TNPO1: variants seen among roughly 807,000 people sequenced by gnomAD.
The protein encoded by TNPO1 is transportin 1, also known as transportin-1.
A neutral mutation model predicts 119.5 loss-of-function variants in TNPO1; 8 were observed. That is an observed-to-expected ratio of 0.07 (90% CI 0.04 to 0.12). TNPO1 has a LOEUF of 0.12. Among genes scored for constraint, TNPO1 ranks in the 10% least tolerant of loss-of-function variants. The pLI, the probability that TNPO1 is intolerant of heterozygous loss-of-function variation, is 1.00. For synonymous variants in TNPO1, 362 were observed against 363.0 expected (o/e 1.00, Z 0.03); for missense variants, 576 against 1,089.8 (o/e 0.53, Z 6.64).
chr5:72,907,670 A>T (rs956007123), intron 24 of TNPO1, among the ~76,000 whole-genome samples: 3 of 152,204 alleles, frequency 2.0e-5, no homozygotes, highest in Non-Finnish European at 1.5e-5. Context: ...AGTTCCTACC[A>T]GAAAAACCAA....
chr5:72,863,994 A>C, intron 5 of TNPO1, among the ~76,000 whole-genome samples: 1 of 152,240 alleles, frequency 6.6e-6, no homozygotes, highest in Admixed American at 6.5e-5. Flanking sequence ...ATTCCCATCC[A>C]TCTGAACTAA....
rs919877561 is a variant in TNPO1 at position 72,897,190 on chromosome 5, T to C, written c.2338+39T>C. The C allele has an allele frequency of 2.0e-6, 3 of 1,476,690 alleles. No homozygotes were observed. The African/African-American group carries it at 4.3e-5, about 21-fold the overall frequency. 91.5% of individuals were successfully genotyped at this position (1,476,690 alleles called of 1,614,324 possible). A position where few individuals can be genotyped will look rare whatever the true frequency, so the allele number is the denominator to read the frequency against. On this transcript the variant is annotated intron_variant, in intron 20 of 24. Coordinates refer to ENST00000337273, the MANE Select transcript of TNPO1 (RefSeq NM_002270.4). ...GAACTGTTTCAGTGAAGAGAAAATT[T>C]GTTGCCTTTTAATTTTAATATGCGT... is the stretch of plus-strand genomic sequence containing the variant.
rs1481168181 is a variant in TNPO1 at position 72,856,079 on chromosome 5, TG to T, written c.355+158del. Among the ~76,000 whole-genome samples, 4 of 152,320 alleles carry T rather than the reference TG, an allele frequency of 2.6e-5. No homozygotes were observed. In the East Asian group the frequency reaches 7.7e-4, roughly 29 times the overall value. ...AAATGCTTTTGAAATGGTGTAATCA[TG>T]GTAAAAGCGCTCTCATCCAGTGAAA... On this transcript the variant is annotated intron_variant, in intron 4 of 24. Coordinates refer to ENST00000337273, the MANE Select transcript of TNPO1 (RefSeq NM_002270.4).
intron 2 of TNPO1, among the ~76,000 whole-genome samples, chr5:72,851,019 G>A (rs973886989): frequency 4.6e-5 from 7 of 152,042 alleles, no homozygotes; most frequent in Non-Finnish European, 1.0e-4. Context: ...TGTATTGCAT[G>A]TAATTGATAC....
chr5:72,857,352 G>A (rs1746083732), intron 4 of TNPO1, among the ~76,000 whole-genome samples: 2 of 151,990 alleles, frequency 1.3e-5, no homozygotes, highest in Admixed American at 1.3e-4. Flanking sequence ...TGTCTTGTGG[G>A]TTTGAAAAAT....
At chr5:72,846,288 A>C (rs921051082) in intron 1 of TNPO1, among the ~76,000 whole-genome samples, 1 of 152,224 alleles carries the variant, frequency 6.6e-6, no homozygotes, top group Admixed American at 6.5e-5. Context: ...GGTTGAACAA[A>C]TTATGCTCTA....
intron 5 of TNPO1, 48 bp from the exon 6 acceptor site, chr5:72,865,548 T>G: frequency 6.3e-7 from 1 of 1,598,706 alleles, no homozygotes; most frequent in East Asian, 2.2e-5. Flanking sequence ...TGTTTTCAAA[T>G]GGCTTCATTT....
At chr5:72,900,156 T>A in intron 21 of TNPO1, 75 bp downstream of exon 21, 1 of 1,320,258 alleles carries the variant, frequency 7.6e-7, no homozygotes, top group Non-Finnish European at 1.1e-6. Flanking sequence ...TTTAGATATA[T>A]TTTCAGTTGG....
chr5:72,854,818 ACT>A (rs1156909655), intron 3 of TNPO1, among the ~76,000 whole-genome samples: 3 of 152,014 alleles, frequency 2.0e-5, no homozygotes, highest in Non-Finnish European at 4.4e-5. Context: ...TTTTAAGAAA[ACT>A]CTTTTTAAAT....
chr5:72,876,970 C>T (rs2112388868), intron 8 of TNPO1, among the ~76,000 whole-genome samples: 1 of 151,832 alleles, frequency 6.6e-6, no homozygotes, highest in Middle Eastern at 3.4e-3. Flanking sequence ...TGGCAGGCGC[C>T]TGTAGTCCCA....
In TNPO1 at chr5:72,912,324, G is replaced by T. The variant is rs1028598717; in HGVS notation, c.*3651G>T. The T allele has an allele frequency of 4.6e-5, 7 of 152,366 alleles. No homozygotes were observed. The highest frequency in any genetic ancestry group is 8.8e-5 in the Non-Finnish European group (6 of 67,876). The allele number at this position is 152,366 out of a possible 1,614,324, so 9.4% of individuals were successfully genotyped here. A position where few individuals can be genotyped will look rare whatever the true frequency, so the allele number is the denominator to read the frequency against. ...TTTTTTTGGTTAAGACTTTTTCATT[G>T]ATCTGAATTGCTTAAATTGCATATA... On this transcript the variant is annotated 3_prime_UTR_variant, in exon 25 of 25. Coordinates refer to ENST00000337273, the MANE Select transcript of TNPO1 (RefSeq NM_002270.4).
At chr5:72,876,626 A>G (rs1433802196) in intron 8 of TNPO1, among the ~76,000 whole-genome samples, 5 of 152,136 alleles carry the variant, frequency 3.3e-5, no homozygotes, top group Non-Finnish European at 5.9e-5. Context: ...CTTAATTTTT[A>G]TGTTTCTAAG....
In TNPO1 at chr5:72,876,342, G is replaced by A. The variant is rs190088349; in HGVS notation, c.801+605G>A. 5.7e-4 allele frequency among the ~76,000 whole-genome samples: 87 copies of A among 152,310 alleles called. 1 individual carries two copies. The highest frequency in any genetic ancestry group is 1.9e-3 in the African/African-American group (81 of 41,564). On this transcript the variant is annotated intron_variant, in intron 8 of 24. Transcript: ENST00000337273. ...GATGTTTCAGTCCGTAAGAGGATGT[G>A]TACAGTCTATTAGTTGGCACTTCTA... is the stretch of plus-strand genomic sequence containing the variant.
chr5:72,897,194 G>A, intron 20 of TNPO1, 43 bp downstream of exon 20: 1 of 1,463,490 alleles, frequency 6.8e-7, no homozygotes, highest in South Asian at 1.2e-5. Flanking sequence ...AAAATTTGTT[G>A]CCTTTTAATT....
At position 72,851,339 on chromosome 5, in the gene TNPO1, A is replaced by G. The variant is rs377495418; in HGVS notation, c.205+20A>G. On this transcript the variant is annotated intron_variant, in intron 3 of 24. Transcript: ENST00000337273. ...CTGAAGGTAAGTAGGATTTGTATTG[A>G]TAACTATTTAAAGTTTCTTTAAGAC... is the stretch of plus-strand genomic sequence containing the variant. The G allele has an allele frequency of 1.6e-5, 22 of 1,393,600 alleles. No homozygotes were observed. In the African/African-American group the frequency reaches 1.9e-4, roughly 12 times the overall value. 86.3% of individuals were successfully genotyped at this position (1,393,600 alleles called of 1,614,324 possible).
chr5:72,868,619 G>A (rs1358587488), intron 6 of TNPO1, among the ~76,000 whole-genome samples: 1 of 151,900 alleles, frequency 6.6e-6, no homozygotes, highest in African/African-American at 2.4e-5. Flanking sequence ...AGTTATATGC[G>A]TGCATAGGTG....
intron 14 of TNPO1, among the ~76,000 whole-genome samples, chr5:72,891,553 T>G (rs1229214854): frequency 1.3e-5 from 2 of 152,190 alleles, no homozygotes; most frequent in Non-Finnish European, 2.9e-5. Flanking sequence ...GATAGACTCT[T>G]TTTTTCAACA....
intron 20 of TNPO1, among the ~76,000 whole-genome samples, chr5:72,898,124 T>C (rs10942495): frequency 0.18 from 27,234 of 152,094 alleles, 2,744 homozygotes; most frequent in African/African-American, 0.26. Context: ...CAAAAATCTA[T>C]GTATAGGATG....
rs1208190827 is a variant in TNPO1, at chr5:72,908,966, C to G, written c.*293C>G. 1 of 446,640 alleles carries G rather than the reference C, an allele frequency of 2.2e-6. No homozygotes were observed. The highest frequency in any genetic ancestry group is 4.5e-6 in the Non-Finnish European group (1 of 223,046). 27.7% of individuals were successfully genotyped at this position (446,640 alleles called of 1,614,324 possible). Reference sequence around the variant, plus strand: ...AGAAGCAAAAAAAAAAAAATCTATTCAGTCTACTCACAAAACAGTACATTG... The same window carrying G: ...AGAAGCAAAAAAAAAAAAATCTATTGAGTCTACTCACAAAACAGTACATTG... On this transcript the variant is annotated 3_prime_UTR_variant, in exon 25 of 25. Coordinates refer to ENST00000337273, the MANE Select transcript of TNPO1 (RefSeq NM_002270.4).
Sources: gnomAD v4.1 joint callset for allele counts (sites outside exome capture counted in the v4.1 genomes callset) on GRCh38, gnomAD v4.1.1 for gene constraint, MANE v1.5 for transcripts, NCBI Gene and HGNC (gene_info 2026-07-23, HGNC 2026-07-21) for gene names.